Variants in CILP observed in about 807,000 individuals in gnomAD.
CILP encodes the protein cartilage intermediate layer protein 1.
Under a neutral mutation model 82.5 loss-of-function variants are expected in CILP, and 75 were observed. The observed-to-expected ratio is 0.91, with a 90% CI of 0.75 to 1.10. The LOEUF (loss-of-function observed/expected upper bound fraction) is 1.10, where lower values mean the gene tolerates loss of function less well. Among genes scored for constraint, CILP ranks in the 50% least tolerant of loss-of-function variants. The probability of loss-of-function intolerance (pLI) is 0.00; values close to 1 mark genes in which losing one functional copy is unlikely to be tolerated. For synonymous variants in CILP, 530 were observed against 580.3 expected, an observed-to-expected ratio of 0.91 and a Z score of 1.25; for missense variants, 1,479 against 1,530.8, an observed-to-expected ratio of 0.97 and a Z score of 0.56.
chr15:65,205,293 A>T lies in CILP; in HGVS notation c.598T>A (p.Cys200Ser). The T allele has an allele frequency of 6.2e-7, 1 of 1,608,690 alleles. No homozygotes were observed. The highest frequency in any genetic ancestry group is 8.5e-7 in the Non-Finnish European group (1 of 1,176,510). Reference sequence around the variant, plus strand: ...CCAGGAGGGAGGGTGGTACCTGTACAGTCCTGGCCCATGCAGTGCTGACCC... The same window carrying T: ...CCAGGAGGGAGGGTGGTACCTGTACTGTCCTGGCCCATGCAGTGCTGACCC... ...EEGQHCMGQD[C>S]TACDLTCPMG... Residue 200 changes from cysteine to serine, a missense_variant, in exon 5 of 9, where the codon TGT becomes AGT. Transcript: ENST00000261883.
chr15:65,204,011 G>C (rs570156365), intron 6 of CILP, among the ~76,000 whole-genome samples: 6 of 152,364 alleles, frequency 3.9e-5, no homozygotes, highest in Non-Finnish European at 8.8e-5. Flanking sequence ...AAGGCCCTGA[G>C]GCAGGAATGT....
intron 8 of CILP, 87 bp from the exon 9 acceptor site, chr15:65,199,186 A>G (rs961556875): frequency 2.7e-5 from 25 of 930,812 alleles, no homozygotes; most frequent in East Asian, 1.5e-4. Context: ...ACAGTATTCT[A>G]TGGTTTTCAA....
At chr15:65,207,863 G>A in intron 2 of CILP, 99 bp from the exon 3 acceptor site, 2 of 999,288 alleles carry the variant, frequency 2.0e-6, no homozygotes, top group Non-Finnish European at 3.1e-6. Context: ...AATGGAGCAT[G>A]AGCACCAGGC....
chr15:65,196,446 AT>A lies in CILP; in HGVS notation c.*284del. The A allele has an allele frequency of 2.9e-6, 1 of 344,246 alleles. No individual in the cohort carries two copies. Among genetic ancestry groups the A allele is most frequent in the Admixed American group, 4.4e-5 (1 of 22,658 alleles). 21.3% of individuals were successfully genotyped at this position (344,246 alleles called of 1,614,324 possible). On this transcript the variant is annotated 3_prime_UTR_variant, in exon 9 of 9. Coordinates refer to ENST00000261883, the MANE Select transcript of CILP (RefSeq NM_003613.4). ...CAAAAAGAAGAGGAAGTATATTTGC[AT>A]TAATGGCATTAAATGAAGTACAGTT...
chr15:65,210,006 G>C (rs562454861), intron 1 of CILP, 145 bp from the exon 2 acceptor site: 1 of 481,166 alleles, frequency 2.1e-6, no homozygotes, highest in African/African-American at 2.0e-5. Context: ...AAACCAGGTA[G>C]CTTGGGAGGT....
chr15:65,208,577 T>G (rs750335808), intron 2 of CILP, among the ~76,000 whole-genome samples: 1 of 152,182 alleles, frequency 6.6e-6, no homozygotes, highest in African/African-American at 2.4e-5. Context: ...TATGGCCTAA[T>G]TGGGGCAGCG....
intron 2 of CILP, among the ~76,000 whole-genome samples, chr15:65,208,470 C>A (rs193116324): frequency 1.3e-5 from 2 of 152,212 alleles, no homozygotes; most frequent in Non-Finnish European, 2.9e-5. Context: ...TAGCACATAA[C>A]GCATACTGAA....
chr15:65,205,020 A>AAACAACAAC lies in CILP; in HGVS notation c.604+258_604+266dup, dbSNP rs565136281. Among the ~76,000 whole-genome samples the AAACAACAAC allele has an allele frequency of 4.2e-3, 644 of 152,146 alleles. 4 individuals carry two copies. Among genetic ancestry groups the AAACAACAAC allele is most frequent in the East Asian group, 0.011 (57 of 5,172 alleles). On this transcript the variant is annotated intron_variant, in intron 5 of 8. Coordinates refer to ENST00000261883, the MANE Select transcript of CILP (RefSeq NM_003613.4). ...GGCAATGGAGCAAGACTCTGTCTCA[A>AAACAACAAC]AACAACAACAACAACAACAACTTAG...
chr15:65,210,107 G>A (rs1342304716), intron 1 of CILP, among the ~76,000 whole-genome samples: 1 of 152,126 alleles, frequency 6.6e-6, no homozygotes, highest in Admixed American at 6.5e-5. Context: ...TGAGGCACAA[G>A]GACAAGCAGG....
chr15:65,197,207 C>T lies in CILP; in HGVS notation c.3079G>A (p.Val1027Ile), dbSNP rs1302002344. 6.2e-7 allele frequency: 1 copy of T among 1,614,040 alleles called. No individual in the cohort carries two copies. Among genetic ancestry groups the T allele is most frequent in the Non-Finnish European group, 8.5e-7 (1 of 1,180,022 alleles). ...QDRVDRTLVK[V>I]IPQGSCRRAS... is the part of the protein sequence containing the mutation. ...CGACGGCAGCTGCCCTGGGGGATGA[C>T]CTTCACCAGGGTGCGGTCCACACGG... is the stretch of plus-strand genomic sequence containing the variant. Residue 1027 changes from valine to isoleucine, a missense_variant, in exon 9 of 9, where the codon GTC becomes ATC. Val to Ile is a conservative substitution (Grantham distance 29, BLOSUM62 3). Transcript: ENST00000261883.
At chr15:65,210,120 C>T (rs946123431) in intron 1 of CILP, among the ~76,000 whole-genome samples, 4 of 152,002 alleles carry the variant, frequency 2.6e-5, no homozygotes, top group African/African-American at 7.3e-5. Context: ...CAAGCAGGGG[C>T]GAGGAGGTTC....
In CILP at chr15:65,209,847, C is replaced by T. The variant is rs2088565833; in HGVS notation, c.-92G>A. Reference sequence around the variant, plus strand: ...TGGAATGCGGTCCCCTGGGAAGTTTCTCAGATCCAGTGACCTGTAAAGAAA... The same window carrying T: ...TGGAATGCGGTCCCCTGGGAAGTTTTTCAGATCCAGTGACCTGTAAAGAAA... On this transcript the variant is annotated 5_prime_UTR_variant, in exon 2 of 9. Transcript: ENST00000261883. The T allele has an allele frequency of 3.6e-6, 4 of 1,096,528 alleles. No individual in the cohort carries two copies. The highest frequency in any genetic ancestry group is 5.5e-6 in the Non-Finnish European group (4 of 722,152). The allele number at this position is 1,096,528 out of a possible 1,614,324, so 67.9% of individuals were successfully genotyped here.
Position 65,199,029 on chromosome 15 carries a change from C to G in CILP, c.1257G>C (p.Gln419His), listed in dbSNP as rs2088419236. The change falls in exon 9 of 9, where the codon CAG becomes CAC. Residue 419 changes from glutamine to histidine, a missense_variant. Transcript: ENST00000261883. ...YLIRLPHDCF[Q>H]NATNSFYYDV... ...CATAGTAGAAGGAGTTGGTGGCATT[C>G]TGAAAGCAATCATGGGGCAGCCGGA... The G allele has an allele frequency of 1.9e-6, 3 of 1,606,348 alleles. No individual in the cohort carries two copies. Among genetic ancestry groups the G allele is most frequent in the Non-Finnish European group, 2.5e-6 (3 of 1,179,964 alleles).
chr15:65,199,231 A>AG, intron 8 of CILP, 132 bp from the exon 9 acceptor site: 5 of 660,324 alleles, frequency 7.6e-6, no homozygotes, highest in Non-Finnish European at 1.3e-5. Context: ...ATTCTCACAG[A>AG]ACTCTCTGAG....
Position 65,205,418 on chromosome 15 carries a change from C to T in CILP, c.473G>A (p.Trp158Ter). 1 of 1,613,988 alleles carries T rather than the reference C, an allele frequency of 6.2e-7. No individual in the cohort carries two copies. Among genetic ancestry groups the T allele is most frequent in the South Asian group, 1.1e-5 (1 of 91,078 alleles). ...TERIWSPWSP[W>*]SKCSAACGQT... ...ACCACAGGCAGCTGAGCACTTGCTC[C>T]AGGGAGACCATGGGCTCCAGATGCG... The change falls in exon 5 of 9, where the codon TGG (tryptophan) becomes TAG (stop). Residue 158 changes from tryptophan to a stop codon, truncating the protein, a stop_gained. Transcript: ENST00000261883. LOFTEE classifies it high-confidence loss of function.
At position 65,195,363 on chromosome 15, in the gene CILP, G is replaced by A. The variant is rs2088349131; in HGVS notation, c.*1368C>T. The stretch of plus-strand genomic sequence containing the variant: ...ACAGATTCTGGAGGGGTTGGGATAG[G>A]GGCAGTGAGTGCATCCTATCCAACC... On this transcript the variant is annotated 3_prime_UTR_variant, in exon 9 of 9. Transcript: ENST00000261883. 6.6e-6 allele frequency: 1 copy of A among 152,170 alleles called. No homozygotes were observed. The highest frequency in any genetic ancestry group is 2.1e-4 in the South Asian group (1 of 4,826). The allele number at this position is 152,170 out of a possible 1,614,324, so 9.4% of individuals were successfully genotyped here. A position where few individuals can be genotyped will look rare whatever the true frequency, so the allele number is the denominator to read the frequency against.
chr15:65,204,678 T>C, intron 5 of CILP, 96 bp from the exon 6 acceptor site: 1 of 1,226,840 alleles, frequency 8.2e-7, no homozygotes, highest in South Asian at 1.6e-5. Flanking sequence ...TGGCCTTTGC[T>C]ACCCTCCCTT....
rs889386576 is a variant in CILP, at chr15:65,206,966, G to A, written c.240C>T (p.Tyr80=). 5.6e-6 allele frequency: 9 copies of A among 1,614,028 alleles called. No homozygotes were observed. Among genetic ancestry groups the A allele is most frequent in the Non-Finnish European group, 7.6e-6 (9 of 1,180,002 alleles). The part of the protein sequence containing the change: ...DYERLDAIRF[Y]YGDRVCARPL... ...GACGGGCACATACACGGTCCCCATAGTAGAAGCGAATGGCGTCCAGCCGCT... is the reference window on the plus strand; with the variant it reads ...GACGGGCACATACACGGTCCCCATAATAGAAGCGAATGGCGTCCAGCCGCT... Residue 80 remains tyrosine (Y), a synonymous_variant, in exon 4 of 9, where the codon TAC becomes TAT. Coordinates refer to ENST00000261883, the MANE Select transcript of CILP (RefSeq NM_003613.4).
chr15:65,198,021 C>T lies in CILP; in HGVS notation c.2265G>A (p.Lys755=). The part of the protein sequence containing the change: ...DVPESRRCFV[K]VRAYRSERFL... Reference sequence around the variant, plus strand: ...ACCTCTCACTCCGGTAGGCCCTCACCTTAACAAAGCACCGCCTGCTTTCAG... The same window carrying T: ...ACCTCTCACTCCGGTAGGCCCTCACTTTAACAAAGCACCGCCTGCTTTCAG... Residue 755 remains lysine, a synonymous_variant, in exon 9 of 9, where the codon AAG becomes AAA. Coordinates refer to ENST00000261883, the MANE Select transcript of CILP (RefSeq NM_003613.4). The T allele has an allele frequency of 6.2e-7, 1 of 1,614,242 alleles. No individual in the cohort carries two copies. The highest frequency in any genetic ancestry group is 1.1e-5 in the South Asian group (1 of 91,086).
Sources: gnomAD v4.1 joint callset for allele counts (sites outside exome capture counted in the v4.1 genomes callset) on GRCh38, gnomAD v4.1.1 for gene constraint, MANE v1.5 for transcripts, NCBI Gene and HGNC (gene_info 2026-07-23, HGNC 2026-07-21) for gene names.